The following EHBP1 variants were observed in gnomAD, a reference collection of about 807,000 sequenced individuals.
EHBP1 encodes EH domain binding protein 1.
A neutral mutation model predicts 144.0 loss-of-function variants in EHBP1; 55 were observed. The ratio of observed to expected loss-of-function variants is 0.38; its 90% CI spans 0.31 to 0.48. The LOEUF is 0.48. Ranked by LOEUF, EHBP1 falls within the 20% of genes least tolerant of loss-of-function variation. The pLI, the probability that EHBP1 is intolerant of heterozygous loss-of-function variation, is 0.98. For missense variants in EHBP1, 1,200 were observed against 1,364.2 expected, an observed-to-expected ratio of 0.88 and a Z score of 1.90; for synonymous variants, 469 against 472.7, an observed-to-expected ratio of 0.99 and a Z score of 0.10.
At chr2:62,901,568 C>T (rs993262341) in intron 10 of EHBP1, among the ~76,000 whole-genome samples, 5 of 151,854 alleles carry the variant, frequency 3.3e-5, no homozygotes, top group African/African-American at 1.2e-4. Context: ...AAAAGGGAGG[C>T]TGCATTTGCC....
intron 5 of EHBP1, among the ~76,000 whole-genome samples, chr2:62,787,356 C>G (rs1344384050): frequency 6.6e-6 from 1 of 151,870 alleles, no homozygotes; most frequent in East Asian, 1.9e-4. Flanking sequence ...TATGGATACT[C>G]CTGTTGCCCC....
At position 62,890,648 on chromosome 2, in the gene EHBP1, C is replaced by G. The variant is rs367701235; in HGVS notation, c.1185+16116C>G. Among the ~76,000 whole-genome samples the G allele has an allele frequency of 4.7e-4, 72 of 152,138 alleles. 1 individual carries two copies. The highest frequency in any genetic ancestry group is 1.5e-3 in the African/African-American group (64 of 41,496). On this transcript the variant is annotated intron_variant, in intron 10 of 22. Transcript: ENST00000431489. Reference sequence around the variant, plus strand: ...TAAAGAAACTTTTGGGCCAAGACTGCGGTGTTCTCTAGATATTGGATTATG... The same window carrying G: ...TAAAGAAACTTTTGGGCCAAGACTGGGGTGTTCTCTAGATATTGGATTATG...
At chr2:62,935,648 C>T (rs1025973588) in intron 10 of EHBP1, among the ~76,000 whole-genome samples, 3 of 151,814 alleles carry the variant, frequency 2.0e-5, no homozygotes, top group Admixed American at 6.6e-5. Flanking sequence ...TTGTAAATAA[C>T]GTTTTACAAT....
chr2:62,886,463 A>G (rs944142466), intron 10 of EHBP1, among the ~76,000 whole-genome samples: 3 of 152,182 alleles, frequency 2.0e-5, no homozygotes, highest in African/African-American at 7.2e-5. Flanking sequence ...CCTCAATACT[A>G]CTGAATAAAT....
At chr2:62,909,324 A>G (rs577304335) in intron 10 of EHBP1, among the ~76,000 whole-genome samples, 159 of 152,234 alleles carry the variant, frequency 1.0e-3, no homozygotes, top group Non-Finnish European at 2.0e-3. Flanking sequence ...CTGGGACTAC[A>G]GTTGCATGCC....
chr2:62,909,696 C>T (rs967940300), intron 10 of EHBP1, among the ~76,000 whole-genome samples: 8 of 152,270 alleles, frequency 5.3e-5, no homozygotes, highest in Admixed American at 1.3e-4. Flanking sequence ...CTTTTTACCT[C>T]TGAATGACAG....
intron 7 of EHBP1, among the ~76,000 whole-genome samples, chr2:62,832,442 T>TC (rs1282831999): frequency 6.7e-6 from 1 of 148,858 alleles, no homozygotes; most frequent in Non-Finnish European, 1.5e-5. Context: ...TTTTTTCTTT[T>TC]TTTTTTTTTT....
chr2:62,892,530 G>A (rs1213786117), intron 10 of EHBP1, among the ~76,000 whole-genome samples: 4 of 152,004 alleles, frequency 2.6e-5, no homozygotes, highest in Admixed American at 1.3e-4. Flanking sequence ...TATATGTAAT[G>A]TGCACTTATG....
chr2:63,038,492 G>A (rs1418523691), intron 20 of EHBP1, among the ~76,000 whole-genome samples: 3 of 152,068 alleles, frequency 2.0e-5, no homozygotes, highest in African/African-American at 7.2e-5. Context: ...AAGAAGCAAT[G>A]AAGAAAGTGA....
intron 19 of EHBP1, among the ~76,000 whole-genome samples, chr2:63,002,275 A>G (rs2059880759): frequency 2.0e-5 from 3 of 152,196 alleles, no homozygotes; most frequent in African/African-American, 7.2e-5. Context: ...TTAATATTTC[A>G]GTGACTGACT....
chr2:62,895,004 A>G (rs936423301), intron 10 of EHBP1, among the ~76,000 whole-genome samples: 1 of 152,010 alleles, frequency 6.6e-6, no homozygotes, highest in Non-Finnish European at 1.5e-5. Flanking sequence ...TACCTGATAC[A>G]GCTATGTATT....
intron 3 of EHBP1, among the ~76,000 whole-genome samples, chr2:62,759,388 T>G (rs1331062666): frequency 1.3e-5 from 2 of 152,144 alleles, no homozygotes; most frequent in African/African-American, 4.8e-5. Flanking sequence ...AGTGCTGATG[T>G]TTGCCAATAT....
chr2:62,727,128 T>C (rs1429779889), intron 2 of EHBP1, among the ~76,000 whole-genome samples: 1 of 152,244 alleles, frequency 6.6e-6, no homozygotes, highest in Non-Finnish European at 1.5e-5. Flanking sequence ...CCCAAAGTGC[T>C]GGGATTACAG....
chr2:62,997,519 TA>T (rs1051409620), intron 19 of EHBP1, among the ~76,000 whole-genome samples: 5 of 149,822 alleles, frequency 3.3e-5, no homozygotes, highest in African/African-American at 1.2e-4. Flanking sequence ...TGAAATAAAT[TA>T]AATCATTCAT....
intron 1 of EHBP1, among the ~76,000 whole-genome samples, chr2:62,698,317 G>T (rs920462076): frequency 6.6e-6 from 1 of 152,180 alleles, no homozygotes; most frequent in Non-Finnish European, 1.5e-5. Context: ...CCACACTGAA[G>T]TATGCTGGTT....
Position 62,728,185 on chromosome 2 carries a change from G to A in EHBP1, c.105-19210G>A, listed in dbSNP as rs568376824. ...TTTAGATTTCCTAAGGCCAGTTCCT[G>A]GAATTCTTTAAGTAAAAGGCATGGT... On this transcript the variant is annotated intron_variant, in intron 2 of 22. Coordinates refer to ENST00000431489, the MANE Select transcript of EHBP1 (RefSeq NM_001142616.3). Among the ~76,000 whole-genome samples, 268 of 152,204 alleles carry A rather than the reference G, an allele frequency of 1.8e-3. 1 individual carries two copies. The highest frequency in any genetic ancestry group is 3.0e-3 in the Non-Finnish European group (203 of 68,012).
chr2:62,679,595 G>A (rs1257289861), intron 1 of EHBP1, among the ~76,000 whole-genome samples: 3 of 152,090 alleles, frequency 2.0e-5, no homozygotes, highest in African/African-American at 7.2e-5. Context: ...CCCGAAGCAA[G>A]GATCTTAGAA....
intron 3 of EHBP1, among the ~76,000 whole-genome samples, chr2:62,756,058 G>C (rs1409299436): frequency 6.6e-6 from 1 of 150,808 alleles, no homozygotes; most frequent in African/African-American, 2.4e-5. Flanking sequence ...TGGATTACTG[G>C]AGTCCAAGAG....
In EHBP1 at chr2:62,948,723, G is replaced by A. The variant is rs763147337; in HGVS notation, c.1877G>A (p.Gly626Glu). ...TEPQKSQQSS[G>E]RTSGSDDPGI... ...CCCCAGAAGTCTCAGCAGAGCTCTG[G>A]AAGGACTTCAGGATCTGATGACCCT... is the stretch of plus-strand genomic sequence containing the variant. Residue 626 changes from glycine (G) to glutamate (E), a missense_variant, in exon 13 of 23, where the codon GGA (glycine) becomes GAA (glutamate). Coordinates refer to ENST00000431489, the MANE Select transcript of EHBP1 (RefSeq NM_001142616.3). 1.7e-5 allele frequency: 28 copies of A among 1,614,056 alleles called. No individual in the cohort carries two copies. The Middle Eastern group carries it at 1.2e-3, about 67-fold the overall frequency.
Sources: allele counts gnomAD v4.1 joint callset (sites outside exome capture counted in the v4.1 genomes callset), GRCh38; gene constraint gnomAD v4.1.1; transcripts MANE v1.5; gene names NCBI Gene and HGNC (gene_info 2026-07-23, HGNC 2026-07-21).